GNPDA2: variants seen among roughly 807,000 people sequenced by gnomAD.
GNPDA2 encodes glcN6P deaminase 2.
GNPDA2 carries 24 observed loss-of-function variants against 27.0 expected under a neutral mutation model. The ratio of observed to expected loss-of-function variants is 0.89; its 90% CI spans 0.64 to 1.25. The LOEUF (loss-of-function observed/expected upper bound fraction) is 1.25, where lower values mean the gene tolerates loss of function less well. GNPDA2 is among the 50% of genes most tolerant of loss of function. The pLI is 0.00. For missense variants in GNPDA2, 286 were observed against 335.1 expected (o/e 0.85, Z 1.14); for synonymous variants, 94 against 108.4 (o/e 0.87, Z 0.83).
At position 44,702,606 on chromosome 4, in the gene GNPDA2, A is replaced by G; in HGVS notation, c.*475T>C. On this transcript the variant is annotated 3_prime_UTR_variant, in exon 7 of 7. Coordinates refer to ENST00000295448, the MANE Select transcript of GNPDA2 (RefSeq NM_138335.3). The stretch of plus-strand genomic sequence containing the variant: ...AGATGGTGCTGTAGGAAGATGACTA[A>G]GGCAACCACGTGCAGAAAAGCATGT... 1.0e-6 allele frequency: 1 copy of G among 1,001,070 alleles called. No individual in the cohort carries two copies. The highest frequency in any genetic ancestry group is 1.2e-6 in the Non-Finnish European group (1 of 840,920). 62.0% of individuals were successfully genotyped at this position (1,001,070 alleles called of 1,614,324 possible). A position where few individuals can be genotyped will look rare whatever the true frequency, so the allele number is the denominator to read the frequency against.
chr4:44,704,816 C>T, intron 6 of GNPDA2: 1 of 983,040 alleles, frequency 1.0e-6, no homozygotes. Context: ...ACTCATTCTA[C>T]CTTTGTCAAA....
chr4:44,715,216 A>G (rs964916805), intron 4 of GNPDA2, among the ~76,000 whole-genome samples: 1 of 152,230 alleles, frequency 6.6e-6, no homozygotes, highest in Non-Finnish European at 1.5e-5. Context: ...ACAGGCTTAA[A>G]CATTATTTTA....
At position 44,707,934 on chromosome 4, in the gene GNPDA2, A is replaced by C; in HGVS notation, c.595-8T>G. On this transcript the variant is annotated splice_polypyrimidine_tract_variant and splice_region_variant and intron_variant, in intron 5 of 6. Coordinates refer to ENST00000295448, the MANE Select transcript of GNPDA2 (RefSeq NM_138335.3). Reference sequence around the variant, plus strand: ...TGTTATAAGGATCATTACCTGAAAAATTATGAACATCAATTGTTAAAACTT... The same window carrying C: ...TGTTATAAGGATCATTACCTGAAAACTTATGAACATCAATTGTTAAAACTT... The C allele has an allele frequency of 6.4e-7, 1 of 1,553,966 alleles. No homozygotes were observed.
chr4:44,722,347 T>C (rs1717726052), intron 1 of GNPDA2, 105 bp from the exon 2 acceptor site: 1 of 780,454 alleles, frequency 1.3e-6, no homozygotes, highest in Admixed American at 3.2e-5. Context: ...AAACAGAATA[T>C]ACTGATGATT....
At chr4:44,704,888 A>G in intron 6 of GNPDA2, 1 of 983,518 alleles carries the variant, frequency 1.0e-6, no homozygotes, top group Non-Finnish European at 1.2e-6. Context: ...GATGTCATAT[A>G]CTAAAAATCA....
At chr4:44,714,567 C>T in intron 4 of GNPDA2, 2 of 984,818 alleles carry the variant, frequency 2.0e-6, no homozygotes, top group South Asian at 9.4e-5. Flanking sequence ...GGCTTCAAGC[C>T]CAAACTGCAA....
chr4:44,711,811 A>G (rs902440730), intron 4 of GNPDA2, among the ~76,000 whole-genome samples: 6 of 96,586 alleles, frequency 6.2e-5, no homozygotes, highest in East Asian at 2.5e-4. Flanking sequence ...GCAATCTAGT[A>G]TATATATATA....
intron 1 of GNPDA2, among the ~76,000 whole-genome samples, chr4:44,726,147 A>G (rs60748978): frequency 0.028 from 4,308 of 152,262 alleles, 194 homozygotes; most frequent in African/African-American, 0.099. Flanking sequence ...CCTGGCCCTC[A>G]CTTGGCAAAG....
chr4:44,719,441 C>T (rs562951067), intron 2 of GNPDA2, among the ~76,000 whole-genome samples: 32 of 151,836 alleles, frequency 2.1e-4, no homozygotes, highest in Non-Finnish European at 2.9e-4. Context: ...TCAGAATAGA[C>T]AAGGCTATAA....
chr4:44,715,321 G>A (rs10805131), intron 4 of GNPDA2, among the ~76,000 whole-genome samples: 147,170 of 152,194 alleles, frequency 0.97, 71,363 homozygotes, highest in East Asian at 1. Flanking sequence ...CCTACCTTTG[G>A]GTCTACAAGA....
At chr4:44,707,383 G>C in intron 6 of GNPDA2, 1 of 266,622 alleles carries the variant, frequency 3.8e-6, no homozygotes, top group East Asian at 6.5e-5. Context: ...AGAGGGGAGT[G>C]AGGAAGAGGG....
At chr4:44,712,751 G>A (rs1405947690) in intron 4 of GNPDA2, among the ~76,000 whole-genome samples, 5 of 152,188 alleles carry the variant, frequency 3.3e-5, no homozygotes, top group African/African-American at 7.2e-5. Flanking sequence ...GAAGTGTACA[G>A]CTAAGCTGAA....
intron 6 of GNPDA2, chr4:44,703,888 C>G: frequency 1.0e-6 from 1 of 984,974 alleles, no homozygotes; most frequent in Non-Finnish European, 1.2e-6. Context: ...AAGACTGACC[C>G]AGTTAATGAA....
intron 4 of GNPDA2, chr4:44,714,615 T>G: frequency 1.0e-6 from 1 of 984,544 alleles, no homozygotes; most frequent in Non-Finnish European, 1.2e-6. Flanking sequence ...AGCTGATATT[T>G]TGATCCCATT....
rs201159648 is a variant in GNPDA2, at chr4:44,716,122, CT to C, written c.409+990del. Among the ~76,000 whole-genome samples, 1,215 of 152,048 alleles carry C rather than the reference CT, an allele frequency of 8.0e-3. 9 individuals are homozygous for C. The highest frequency in any genetic ancestry group is 0.017 in the Middle Eastern group (5 of 294). On this transcript the variant is annotated intron_variant, in intron 4 of 6. Transcript: ENST00000295448. ...TGTACCTATACTGAACTTCAATAAACTTTCCCAGGTCATACAGATACTAAGT... is the reference window on the plus strand; with the variant it reads ...TGTACCTATACTGAACTTCAATAAACTTCCCAGGTCATACAGATACTAAGT...
intron 1 of GNPDA2, among the ~76,000 whole-genome samples, chr4:44,725,331 C>T (rs978775234): frequency 6.6e-6 from 1 of 152,170 alleles, no homozygotes; most frequent in Non-Finnish European, 1.5e-5. Flanking sequence ...CTAAGTGTTT[C>T]TGACTCAAAG....
intron 2 of GNPDA2, 115 bp downstream of exon 2, chr4:44,721,969 A>T (rs1053817744): frequency 1.3e-6 from 1 of 767,538 alleles, no homozygotes; most frequent in African/African-American, 1.8e-5. Flanking sequence ...ATGATGTTCA[A>T]TTAGTGACAT....
intron 4 of GNPDA2, 44 bp downstream of exon 4, chr4:44,717,069 T>A: frequency 7.3e-7 from 1 of 1,373,842 alleles, no homozygotes; most frequent in Non-Finnish European, 1.0e-6. Flanking sequence ...AAATCCCTAA[T>A]TCAAACACTA....
At position 44,702,179 on chromosome 4, in the gene GNPDA2, G is replaced by A. The variant is rs1157617427; in HGVS notation, c.*902C>T. The stretch of plus-strand genomic sequence containing the variant: ...CTTATTTATTACACGCTTTATTTGA[G>A]TTAAAGATAAAAAACAATATACTTT... On this transcript the variant is annotated 3_prime_UTR_variant, in exon 7 of 7. Transcript: ENST00000295448. 4.6e-5 allele frequency: 41 copies of A among 887,488 alleles called. No individual in the cohort carries two copies. The highest frequency in any genetic ancestry group is 5.4e-5 in the Non-Finnish European group (40 of 740,304). The allele number at this position is 887,488 out of a possible 1,614,324, so 55.0% of individuals were successfully genotyped here.
Sources: allele counts gnomAD v4.1 joint callset (sites outside exome capture counted in the v4.1 genomes callset), GRCh38; gene constraint gnomAD v4.1.1; transcripts MANE v1.5; gene names NCBI Gene and HGNC (gene_info 2026-07-23, HGNC 2026-07-21).